Variants in RAI14 observed in about 807,000 individuals in gnomAD.
RAI14 encodes ankycorbin.
RAI14 carries 45 observed loss-of-function variants against 115.4 expected under a neutral mutation model. The observed-to-expected ratio is 0.39, with a 90% CI of 0.31 to 0.50. The LOEUF (loss-of-function observed/expected upper bound fraction) is 0.50. Among genes scored for constraint, RAI14 ranks in the 20% least tolerant of loss-of-function variants. The pLI, the probability that RAI14 is intolerant of heterozygous loss-of-function variation, is 0.85. For synonymous variants in RAI14, 371 were observed against 415.4 expected, an observed-to-expected ratio of 0.89 and a Z score of 1.30; for missense variants, 939 against 1,131.2, an observed-to-expected ratio of 0.83 and a Z score of 2.44.
chr5:34,805,874 T>G (rs1335909700), intron 5 of RAI14, among the ~76,000 whole-genome samples: 1 of 151,858 alleles, frequency 6.6e-6, no homozygotes, highest in Admixed American at 6.6e-5. Context: ...AAAAAACAAA[T>G]GAGCTCTCTC....
rs746930489 is a variant in RAI14 at position 34,662,721 on chromosome 5, A to ATTTTTT, written c.-49+6265_-49+6270dup. Among the ~76,000 whole-genome samples, 285 of 91,896 alleles carry ATTTTTT rather than the reference A, an allele frequency of 3.1e-3. 15 individuals carry two copies. Among genetic ancestry groups the ATTTTTT allele is most frequent in the South Asian group, 0.022 (45 of 2,028 alleles). 60.3% of individuals were successfully genotyped at this position (91,896 alleles called of 152,430 possible). On this transcript the variant is annotated intron_variant, in intron 1 of 17. Transcript: ENST00000265109. ...GTAAAATGTTGCACAATTTAAACAG[A>ATTTTTT]TTTTTTTTTTTTTTTTTTTTTTTTA...
intron 3 of RAI14, among the ~76,000 whole-genome samples, chr5:34,780,208 A>T (rs991159922): frequency 6.6e-6 from 1 of 152,340 alleles, no homozygotes; most frequent in East Asian, 1.9e-4. Context: ...CTTACACCCT[A>T]TACAAAAATT....
At chr5:34,768,318 T>G (rs944988140) in intron 3 of RAI14, among the ~76,000 whole-genome samples, 1 of 152,130 alleles carries the variant, frequency 6.6e-6, no homozygotes, top group Non-Finnish European at 1.5e-5. Flanking sequence ...TCCTTTCTTA[T>G]TAGGAAAGAT....
chr5:34,689,014 T>G (rs558559852), intron 2 of RAI14, among the ~76,000 whole-genome samples: 1 of 152,306 alleles, frequency 6.6e-6, no homozygotes, highest in African/African-American at 2.4e-5. Context: ...TTCTTAGAAC[T>G]TTACGTTCTA....
chr5:34,805,267 C>T (rs1314534703), intron 5 of RAI14, among the ~76,000 whole-genome samples: 1 of 152,140 alleles, frequency 6.6e-6, no homozygotes, highest in Non-Finnish European at 1.5e-5. Flanking sequence ...GCTGTGTCCT[C>T]CTGTTGGGCT....
chr5:34,743,336 G>A (rs970685124), intron 2 of RAI14, among the ~76,000 whole-genome samples: 3 of 152,108 alleles, frequency 2.0e-5, no homozygotes, highest in African/African-American at 7.2e-5. Flanking sequence ...TCCTTGGCTT[G>A]TAGGCACACC....
At chr5:34,770,624 G>T (rs1280110452) in intron 3 of RAI14, among the ~76,000 whole-genome samples, 2 of 152,176 alleles carry the variant, frequency 1.3e-5, no homozygotes, top group Admixed American at 1.3e-4. Context: ...GTACTTTTCT[G>T]CAGGAATGGC....
Position 34,823,891 on chromosome 5 carries a change from A to T in RAI14, c.2049A>T (p.Lys683Asn). Reference sequence around the variant, plus strand: ...ATATCCATAAAGCAGAGCATGAGAAACTGATGCAATTGACAAACGTGTCCA... The same window carrying T: ...ATATCCATAAAGCAGAGCATGAGAATCTGATGCAATTGACAAACGTGTCCA... ...AEYIHKAEHE[K>N]LMQLTNVSRA... Residue 683 changes from lysine (K) to asparagine (N), a missense_variant, in exon 15 of 18, where the codon AAA (lysine) becomes AAT (asparagine). Coordinates refer to ENST00000265109, the MANE Select transcript of RAI14 (RefSeq NM_015577.3). The surrounding 1 kb of genome is among the most constrained non-coding windows in gnomAD (Gnocchi z 4.5). 1 of 1,614,100 alleles carries T rather than the reference A, an allele frequency of 6.2e-7. No individual in the cohort carries two copies. The highest frequency in any genetic ancestry group is 8.5e-7 in the Non-Finnish European group (1 of 1,179,942).
At chr5:34,802,261 C>G (rs1754363895) in intron 4 of RAI14, among the ~76,000 whole-genome samples, 1 of 152,102 alleles carries the variant, frequency 6.6e-6, no homozygotes. Context: ...GTCAATGATG[C>G]TAAGGTTGAG....
intron 4 of RAI14, among the ~76,000 whole-genome samples, chr5:34,800,328 A>C (rs1313285262): frequency 1.3e-5 from 2 of 152,332 alleles, no homozygotes; most frequent in East Asian, 3.9e-4. Context: ...ATTTATAAAT[A>C]TCACTAGTCT....
rs560999444 is a variant in RAI14, at chr5:34,776,782, G to C, written c.168-19157G>C. ...AGATTGCACCACTGCACTCCAGCCT[G>C]GGTGACAGAGTGAGACCCTTTATTA... On this transcript the variant is annotated intron_variant, in intron 3 of 17. Transcript: ENST00000265109. Among the ~76,000 whole-genome samples the C allele has an allele frequency of 4.7e-5, 5 of 105,872 alleles. No homozygotes were observed. The South Asian group carries it at 1.3e-3, about 28-fold the overall frequency. 69.5% of individuals were successfully genotyped at this position (105,872 alleles called of 152,430 possible).
rs1754553602 is a variant in RAI14 at position 34,803,751 on chromosome 5, A to G, written c.296A>G (p.His99Arg). The change falls in exon 5 of 18, where the codon CAT (histidine) becomes CGT (arginine). Residue 99 changes from histidine to arginine, a missense_variant. By Grantham distance (29) the His-to-Arg change is conservative. Coordinates refer to ENST00000265109, the MANE Select transcript of RAI14 (RefSeq NM_015577.3). ...ALHLAAKNSH[H>R]ECIRKLLQSK... ...CATCTCGCAGCCAAGAACAGCCACC[A>G]TGAATGCATCAGGAAGCTGCTTCAG... 1 of 1,612,714 alleles carries G rather than the reference A, an allele frequency of 6.2e-7. No individual in the cohort carries two copies. The highest frequency in any genetic ancestry group is 8.5e-7 in the Non-Finnish European group (1 of 1,179,394).
At chr5:34,787,893 A>AGTTTT (rs1752487160) in intron 3 of RAI14, among the ~76,000 whole-genome samples, 1 of 25,090 alleles carries the variant, frequency 4.0e-5, no homozygotes, top group Admixed American at 6.7e-4. Context: ...GATACTACTG[A>AGTTTT]TTTTTTTTTT....
rs1757135218 is a variant in RAI14 at position 34,823,556 on chromosome 5, C to T, written c.1714C>T (p.Pro572Ser). ...EREKGTVIKP[P>S]VEEYEEMKSS... ...GGAGAAAGGTACAGTGATTAAGCCACCTGTGGAAGAGTACGAGGAAATGAA... is the reference window on the plus strand; with the variant it reads ...GGAGAAAGGTACAGTGATTAAGCCATCTGTGGAAGAGTACGAGGAAATGAA... Residue 572 changes from proline (P) to serine (S), a missense_variant, in exon 15 of 18, where the codon CCT becomes TCT. Coordinates refer to ENST00000265109, the MANE Select transcript of RAI14 (RefSeq NM_015577.3). The surrounding 1 kb of genome is among the most constrained non-coding windows in gnomAD (Gnocchi z 4.5). The T allele has an allele frequency of 6.2e-7, 1 of 1,614,088 alleles. No homozygotes were observed. Among genetic ancestry groups the T allele is most frequent in the Non-Finnish European group, 8.5e-7 (1 of 1,180,026 alleles).
chr5:34,752,504 T>C (rs392588), intron 2 of RAI14, among the ~76,000 whole-genome samples: 30,681 of 151,598 alleles, frequency 0.2, 3,296 homozygotes, highest in Middle Eastern at 0.35. Flanking sequence ...AGCGAGTGGA[T>C]GGCCCCCAGG....
At chr5:34,726,785 G>A (rs1743524434) in intron 2 of RAI14, among the ~76,000 whole-genome samples, 2 of 152,326 alleles carry the variant, frequency 1.3e-5, no homozygotes, top group Middle Eastern at 3.4e-3. Flanking sequence ...TGTAAGATGT[G>A]CCTTTGCTCT....
At chr5:34,673,111 T>G (rs1360978540) in intron 1 of RAI14, among the ~76,000 whole-genome samples, 1 of 152,206 alleles carries the variant, frequency 6.6e-6, no homozygotes, top group Non-Finnish European at 1.5e-5. Flanking sequence ...AAAAATCATT[T>G]AATGCTATTC....
chr5:34,664,934 C>T (rs1742990443), intron 1 of RAI14, among the ~76,000 whole-genome samples: 1 of 145,912 alleles, frequency 6.9e-6, no homozygotes, highest in Admixed American at 7.1e-5. Context: ...TCATCCAGGT[C>T]ACTGTGAATG....
chr5:34,715,515 C>G, intron 2 of RAI14, among the ~76,000 whole-genome samples: 1 of 152,186 alleles, frequency 6.6e-6, no homozygotes, highest in Middle Eastern at 3.2e-3. Context: ...CTGAACCACT[C>G]TGTATTATTC....
Sources: allele counts gnomAD v4.1 joint callset (sites outside exome capture counted in the v4.1 genomes callset), GRCh38; gene constraint gnomAD v4.1.1; non-coding constraint Gnocchi (gnomAD v3.1); transcripts MANE v1.5; gene names NCBI Gene and HGNC (gene_info 2026-07-23, HGNC 2026-07-21).